Variants in FLACC1 observed in about 807,000 individuals in gnomAD.
The protein encoded by FLACC1 is flagellum-associated coiled-coil domain-containing protein 1.
Under a neutral mutation model 62.8 loss-of-function variants are expected in FLACC1, and 66 were observed. The ratio of observed to expected loss-of-function variants is 1.05; its 90% CI spans 0.86 to 1.29. The LOEUF is 1.29. Ranked by LOEUF, FLACC1 falls within the 50% of genes most tolerant of loss-of-function variation. FLACC1 has a pLI of 0.00. For synonymous variants in FLACC1, 156 were observed against 161.0 expected, an observed-to-expected ratio of 0.97 and a Z score of 0.24; for missense variants, 452 against 489.1, an observed-to-expected ratio of 0.92 and a Z score of 0.71.
intron 3 of FLACC1, 144 bp from the exon 4 acceptor site, chr2:201,348,446 T>C: frequency 1.3e-6 from 1 of 794,702 alleles, no homozygotes; most frequent in Non-Finnish European, 1.9e-6. Context: ...GTTGGGGAAC[T>C]CACTGAAGCC....
At chr2:201,348,608 C>A (rs185701099) in intron 3 of FLACC1, among the ~76,000 whole-genome samples, 2 of 152,248 alleles carry the variant, frequency 1.3e-5, no homozygotes, top group Admixed American at 1.3e-4. Context: ...AGTCAAGGCT[C>A]TGTGAGTCAG....
chr2:201,335,809 G>A (rs1344259549), intron 7 of FLACC1, among the ~76,000 whole-genome samples: 1 of 152,086 alleles, frequency 6.6e-6, no homozygotes, highest in Non-Finnish European at 1.5e-5. Context: ...CCATGAACAT[G>A]GAATATCTTT....
At chr2:201,347,792 G>T (rs1400812362) in intron 4 of FLACC1, among the ~76,000 whole-genome samples, 1 of 152,186 alleles carries the variant, frequency 6.6e-6, no homozygotes, top group Non-Finnish European at 1.5e-5. Flanking sequence ...CACCAGAAGG[G>T]TCGGGCCCAC....
At position 201,302,992 on chromosome 2, in the gene FLACC1, T is replaced by C. The variant is rs1207953035; in HGVS notation, c.880-3692A>G. Among the ~76,000 whole-genome samples the C allele has an allele frequency of 5.9e-5, 9 of 152,182 alleles. No homozygotes were observed. The East Asian group carries it at 1.7e-3, about 29-fold the overall frequency. ...AAGGGAAAGCAGGAAAGATCTAAAATTGACACCCTAACATCACAATTAAAA... is the reference window on the plus strand; with the variant it reads ...AAGGGAAAGCAGGAAAGATCTAAAACTGACACCCTAACATCACAATTAAAA... On this transcript the variant is annotated intron_variant, in intron 11 of 14. Coordinates refer to ENST00000392257, the MANE Select transcript of FLACC1 (RefSeq NM_001127391.3).
rs1470256275 is a variant in FLACC1 at position 201,350,775 on chromosome 2, G to A, written c.121C>T (p.Pro41Ser). ...TGATTTTTTGGAGCTGGTACAAGAGGAGTTAGCCTGAAAGTGAAAAACAAA... is the reference window on the plus strand; with the variant it reads ...TGATTTTTTGGAGCTGGTACAAGAGAAGTTAGCCTGAAAGTGAAAAACAAA... ...KNSTGSSKLT[P>S]LVPAPKNHNY... The change falls in exon 3 of 15, where the codon CCT (proline) becomes TCT (serine). Residue 41 changes from proline (P) to serine (S), a missense_variant. This residue lies in a region of FLACC1 where 147 missense variants were observed against 152.7 expected (regional missense o/e 0.96). Coordinates refer to ENST00000392257, the MANE Select transcript of FLACC1 (RefSeq NM_001127391.3). 2 of 1,611,822 alleles carry A rather than the reference G, an allele frequency of 1.2e-6. No individual in the cohort carries two copies. The highest frequency in any genetic ancestry group is 1.7e-5 in the Admixed American group (1 of 59,970).
intron 7 of FLACC1, among the ~76,000 whole-genome samples, chr2:201,332,727 T>C (rs978171611): frequency 1.3e-5 from 2 of 150,810 alleles, no homozygotes. Flanking sequence ...CCCCACCCCC[T>C]AGTCTCTTTA....
chr2:201,339,699 G>A (rs963210812), intron 7 of FLACC1, among the ~76,000 whole-genome samples: 10 of 151,958 alleles, frequency 6.6e-5, no homozygotes, highest in South Asian at 6.2e-4. Context: ...ATTTCCATGC[G>A]TTTGTATAGT....
chr2:201,342,575 TG>T (rs1950833059), intron 6 of FLACC1, 144 bp from the exon 7 acceptor site: 1 of 721,624 alleles, frequency 1.4e-6, no homozygotes, highest in South Asian at 1.6e-5. Flanking sequence ...CCTCTTCCAC[TG>T]TGCTCTGCAG....
At chr2:201,355,870 T>C (rs1951108405) in intron 1 of FLACC1, among the ~76,000 whole-genome samples, 1 of 151,886 alleles carries the variant, frequency 6.6e-6, no homozygotes, top group African/African-American at 2.4e-5. Context: ...AAAAAATAAA[T>C]AAATAAATAA....
chr2:201,346,831 C>T lies in FLACC1; in HGVS notation c.235-156G>A, dbSNP rs1950925543. ...CCCTTCACCCATTATAGCTCATTCT[C>T]ACATCTCTCCGACTCAAATCTGATG... On this transcript the variant is annotated intron_variant, in intron 4 of 14. Transcript: ENST00000392257. The surrounding 1 kb of genome is among the most constrained non-coding windows in gnomAD (Gnocchi z 4.0). 6.6e-6 allele frequency among the ~76,000 whole-genome samples: 1 copy of T among 152,224 alleles called. No homozygotes were observed. Among genetic ancestry groups the T allele is most frequent in the African/African-American group, 2.4e-5 (1 of 41,462 alleles).
At chr2:201,361,733 C>A (rs1559428897), upstream of FLACC1, among the ~76,000 whole-genome samples, 1 of 152,186 alleles carries the variant, frequency 6.6e-6, no homozygotes, top group African/African-American at 2.4e-5. Context: ...TCTGGCCTAT[C>A]ATAATGTTTG....
chr2:201,342,983 C>T (rs980660392), intron 6 of FLACC1, among the ~76,000 whole-genome samples: 4 of 152,184 alleles, frequency 2.6e-5, no homozygotes, highest in Non-Finnish European at 5.9e-5. Flanking sequence ...CAGGATAAAT[C>T]AATACTTCAA....
chr2:201,309,351 C>T (rs1249509089), intron 9 of FLACC1, 101 bp from the exon 10 acceptor site: 2 of 847,534 alleles, frequency 2.4e-6, no homozygotes, highest in Non-Finnish European at 3.9e-6. Flanking sequence ...CTTGGCATTG[C>T]ACAGTGGCCA....
intron 7 of FLACC1, among the ~76,000 whole-genome samples, chr2:201,340,026 A>G (rs72934960): frequency 0.085 from 12,867 of 152,198 alleles, 642 homozygotes; most frequent in African/African-American, 0.12. Flanking sequence ...TCTTGTCCTC[A>G]GGCCCATAGG....
chr2:201,344,111 T>C, intron 6 of FLACC1, 59 bp downstream of exon 6: 2 of 1,475,430 alleles, frequency 1.4e-6, no homozygotes, highest in Non-Finnish European at 1.9e-6. Context: ...ACATAGGTGA[T>C]TCAAAAATAT....
At chr2:201,298,494 C>T (rs908516210) in intron 12 of FLACC1, among the ~76,000 whole-genome samples, 1 of 152,124 alleles carries the variant, frequency 6.6e-6, no homozygotes, top group Admixed American at 6.5e-5. Flanking sequence ...CCAGACATGA[C>T]ACAAATGACA....
At chr2:201,331,516 G>A (rs141367758) in intron 7 of FLACC1, among the ~76,000 whole-genome samples, 94 of 152,206 alleles carry the variant, frequency 6.2e-4, no homozygotes, top group Non-Finnish European at 9.0e-4. Flanking sequence ...TTTATGATGA[G>A]TATTAAAATG....
chr2:201,318,938 CAG>C (rs35494231), intron 9 of FLACC1, among the ~76,000 whole-genome samples: 50,938 of 151,648 alleles, frequency 0.34, 10,042 homozygotes, highest in East Asian at 0.48. Context: ...TTTGGGGACT[CAG>C]GGGGAAAGAG....
intron 6 of FLACC1, 22 bp from the exon 7 acceptor site, chr2:201,342,453 A>G (rs375463069): frequency 9.3e-6 from 15 of 1,613,020 alleles, no homozygotes; most frequent in Non-Finnish European, 1.3e-5. Flanking sequence ...ATCAGCATCT[A>G]CAACACAGGA....
Sources: allele counts gnomAD v4.1 joint callset (sites outside exome capture counted in the v4.1 genomes callset), GRCh38; gene constraint gnomAD v4.1.1; regional missense constraint gnomAD v4.1.1; non-coding constraint Gnocchi (gnomAD v3.1); transcripts MANE v1.5; gene names NCBI Gene and HGNC (gene_info 2026-07-23, HGNC 2026-07-21).